IL1RAPL1: variants seen among roughly 807,000 people sequenced by gnomAD.
The protein encoded by IL1RAPL1 is interleukin-1 receptor accessory protein-like 1.
Under a neutral mutation model 48.4 loss-of-function variants are expected in IL1RAPL1, and 3 were observed. That is an observed-to-expected ratio of 0.06 (90% CI 0.03 to 0.16). IL1RAPL1 has a LOEUF of 0.16. Among genes scored for constraint, IL1RAPL1 ranks in the 10% least tolerant of loss-of-function variants. The pLI is 1.00. For missense variants in IL1RAPL1, 349 were observed against 530.6 expected (o/e 0.66, Z 3.36); for synonymous variants, 185 against 187.7 (o/e 0.99, Z 0.12).
At chrX:29,836,452 G>A (rs1470589593) in intron 6 of IL1RAPL1, among the ~76,000 whole-genome samples, 1 of 111,613 alleles carries the variant, frequency 9.0e-6, no homozygotes, top group Non-Finnish European at 1.9e-5. Context: ...GCCTCCCAAA[G>A]TGCTGGGATT....
intron 1 of IL1RAPL1, among the ~76,000 whole-genome samples, chrX:28,690,360 A>G (rs1323064075): frequency 1.8e-5 from 2 of 111,956 alleles, no homozygotes; most frequent in South Asian, 3.7e-4. Flanking sequence ...TAACACATGC[A>G]TAAACATTTC....
intron 2 of IL1RAPL1, among the ~76,000 whole-genome samples, chrX:29,140,782 T>A (rs1929227249): frequency 9.0e-6 from 1 of 111,281 alleles, no homozygotes; most frequent in Non-Finnish European, 1.9e-5. Context: ...TCTTGCTGAG[T>A]CCTCACATGG....
At chrX:29,803,188 T>C (rs1419525568) in intron 6 of IL1RAPL1, among the ~76,000 whole-genome samples, 8 of 28,658 alleles carry the variant, frequency 2.8e-4, no homozygotes, top group African/African-American at 8.8e-4. Flanking sequence ...TATATGTATA[T>C]ATGTATACAT....
intron 2 of IL1RAPL1, among the ~76,000 whole-genome samples, chrX:29,059,060 G>A (rs1927285279): frequency 8.9e-6 from 1 of 112,235 alleles, no homozygotes; most frequent in Non-Finnish European, 1.9e-5. Context: ...TGCTTGTGAA[G>A]GAATTTCTCC....
At chrX:29,655,854 G>A (rs1925663850) in intron 5 of IL1RAPL1, among the ~76,000 whole-genome samples, 1 of 110,888 alleles carries the variant, frequency 9.0e-6, no homozygotes. Flanking sequence ...CAAAACATAA[G>A]TGTTAATTTT....
At chrX:29,817,794 A>G (rs1455018991) in intron 6 of IL1RAPL1, among the ~76,000 whole-genome samples, 8 of 112,011 alleles carry the variant, frequency 7.1e-5, no homozygotes, top group Non-Finnish European at 1.5e-4. Context: ...TAGCAATGTC[A>G]TCAAGGGTCC....
intron 5 of IL1RAPL1, among the ~76,000 whole-genome samples, chrX:29,585,783 T>G (rs1293378703): frequency 8.9e-6 from 1 of 112,346 alleles, no homozygotes; most frequent in African/African-American, 3.2e-5. Context: ...TTGAACATTT[T>G]TCTCACATAC....
intron 5 of IL1RAPL1, among the ~76,000 whole-genome samples, chrX:29,606,282 GA>G (rs1223107525): frequency 3.8e-4 from 42 of 111,326 alleles, no homozygotes; most frequent in South Asian, 3.4e-3. Flanking sequence ...GTCTATGAAT[GA>G]AAAAAAATGT....
intron 2 of IL1RAPL1, among the ~76,000 whole-genome samples, chrX:29,265,241 T>G: frequency 9.1e-6 from 1 of 109,841 alleles, no homozygotes; most frequent in East Asian, 2.8e-4. Flanking sequence ...GATAAGGATC[T>G]ACCTTTAACT....
At chrX:29,904,150 G>C (rs1420115185) in intron 6 of IL1RAPL1, among the ~76,000 whole-genome samples, 2 of 111,637 alleles carry the variant, frequency 1.8e-5, no homozygotes, top group Non-Finnish European at 3.8e-5. Context: ...TATCAGAGAT[G>C]AGAGGTGGAG....
chrX:28,754,591 G>A (rs747736166), intron 1 of IL1RAPL1, among the ~76,000 whole-genome samples: 1 of 111,677 alleles, frequency 9.0e-6, no homozygotes, highest in South Asian at 3.7e-4. Flanking sequence ...TTAATTCTGG[G>A]GACCATTCCC....
intron 1 of IL1RAPL1, among the ~76,000 whole-genome samples, chrX:28,679,715 A>G (rs1229237504): frequency 4.5e-5 from 5 of 112,109 alleles, no homozygotes; most frequent in African/African-American, 9.7e-5. Flanking sequence ...TAAAGAGACT[A>G]TCTTTTCCCC....
At chrX:28,734,706 G>A (rs769880293) in intron 1 of IL1RAPL1, among the ~76,000 whole-genome samples, 1 of 111,209 alleles carries the variant, frequency 9.0e-6, no homozygotes, top group Admixed American at 9.6e-5. Context: ...TGTTATGCCT[G>A]TTATTTATCA....
intron 2 of IL1RAPL1, among the ~76,000 whole-genome samples, chrX:29,055,956 A>ATT (rs1265135941): frequency 3.4e-4 from 38 of 112,129 alleles, no homozygotes; most frequent in African/African-American, 1.2e-3. Context: ...CACTTGAGTA[A>ATT]TTAATCGAGG....
At chrX:29,397,579 T>A (rs1048130038) in intron 4 of IL1RAPL1, among the ~76,000 whole-genome samples, 5 of 110,614 alleles carry the variant, frequency 4.5e-5, no homozygotes, top group Non-Finnish European at 9.4e-5. Context: ...ACTGTGGGAA[T>A]GAATTTTCTT....
At chrX:29,270,128 A>T (rs761119088) in intron 2 of IL1RAPL1, among the ~76,000 whole-genome samples, 1 of 112,018 alleles carries the variant, frequency 8.9e-6, no homozygotes, top group African/African-American at 3.2e-5. Flanking sequence ...TTATATGACT[A>T]CATTCATCAT....
intron 2 of IL1RAPL1, among the ~76,000 whole-genome samples, chrX:29,199,072 T>C (rs770626575): frequency 2.9e-4 from 33 of 112,103 alleles, no homozygotes; most frequent in African/African-American, 1.1e-3. Context: ...ATGGAACTTT[T>C]ACATATTTAG....
chrX:28,743,705 G>A (rs780210449), intron 1 of IL1RAPL1, among the ~76,000 whole-genome samples: 1 of 106,484 alleles, frequency 9.4e-6, no homozygotes, highest in East Asian at 3.0e-4. Flanking sequence ...CTCCATCACC[G>A]ATTCTTTTCC....
chrX:28,593,907 C>T (rs1933928375), intron 1 of IL1RAPL1, among the ~76,000 whole-genome samples: 1 of 110,578 alleles, frequency 9.0e-6, no homozygotes, highest in East Asian at 2.8e-4. Context: ...ACTGGAAGTC[C>T]ACTTAGTCAT....
Sources: gnomAD v4.1 joint callset for allele counts (sites outside exome capture counted in the v4.1 genomes callset) on GRCh38, gnomAD v4.1.1 for gene constraint, MANE v1.5 for transcripts, NCBI Gene and HGNC (gene_info 2026-07-23, HGNC 2026-07-21) for gene names.